Variants in FBXO43 observed in about 807,000 individuals in gnomAD.
FBXO43 encodes the protein F-box protein 43.
Under a neutral mutation model 56.7 loss-of-function variants are expected in FBXO43, and 22 were observed. That is an observed-to-expected ratio of 0.39 (90% CI 0.28 to 0.55). The LOEUF is 0.55. FBXO43 is among the 20% of genes least tolerant of loss of function. The pLI is 0.66. For missense variants in FBXO43, 733 were observed against 814.9 expected, an observed-to-expected ratio of 0.90 and a Z score of 1.22; for synonymous variants, 306 against 294.5, an observed-to-expected ratio of 1.04 and a Z score of -0.40.
upstream of FBXO43, among the ~76,000 whole-genome samples, chr8:100,147,541 G>A (rs1328380608): frequency 2.0e-5 from 3 of 152,228 alleles, no homozygotes; most frequent in African/African-American, 7.2e-5. Flanking sequence ...GAGAAGTGAA[G>A]AAGCTAAGTC....
In FBXO43 at chr8:100,142,259, T is replaced by C. The variant is rs960751400; in HGVS notation, c.86-91A>G. ...CATTATTTGTTATGAGTACAGATAA[T>C]AATGGAAAATTGTATGACAATTTTT... On this transcript the variant is annotated intron_variant, in intron 1 of 4. Transcript: ENST00000428847. The C allele has an allele frequency of 1.9e-5, 22 of 1,173,502 alleles. No homozygotes were observed. The African/African-American group carries it at 2.8e-4, about 15-fold the overall frequency. The allele number at this position is 1,173,502 out of a possible 1,614,324, so 72.7% of individuals were successfully genotyped here.
chr8:100,141,349 G>A lies in FBXO43; in HGVS notation c.905C>T (p.Pro302Leu), dbSNP rs772390926. The part of the protein sequence containing the change: ...CGTDEDIFVT[P>L]ISNLVANIRF... ...AATGTTTGCCACAAGATTACTTATCGGAGTCACAAATATGTCCTCATCTGT... is the reference window on the plus strand; with the variant it reads ...AATGTTTGCCACAAGATTACTTATCAGAGTCACAAATATGTCCTCATCTGT... The change falls in exon 2 of 5, where the codon CCG (proline) becomes CTG (leucine). Residue 302 changes from proline to leucine, a missense_variant. Pro to Leu is a moderately conservative substitution (Grantham distance 98). Transcript: ENST00000428847. 7.4e-6 allele frequency: 12 copies of A among 1,613,516 alleles called. No individual in the cohort carries two copies. Among genetic ancestry groups the A allele is most frequent in the East Asian group, 6.7e-5 (3 of 44,892 alleles).
chr8:100,140,611 C>A, intron 2 of FBXO43, 72 bp downstream of exon 2: 1 of 1,186,724 alleles, frequency 8.4e-7, no homozygotes. Context: ...AAAGGACAAC[C>A]ACTCAAGTCA....
chr8:100,142,718 C>G (rs1814698074), intron 1 of FBXO43, among the ~76,000 whole-genome samples: 1 of 152,180 alleles, frequency 6.6e-6, no homozygotes, highest in Non-Finnish European at 1.5e-5. Context: ...GAAACCTAGT[C>G]CCCATAACCA....
chr8:100,141,147 C>A lies in FBXO43; in HGVS notation c.1107G>T (p.Gly369=), dbSNP rs767638468. Reference sequence around the variant, plus strand: ...GATGTCTTGTCTTTCTTATGGTGTCCCCAACTTTGGGAGTCCCCTTATGTT... The same window carrying A: ...GATGTCTTGTCTTTCTTATGGTGTCACCAACTTTGGGAGTCCCCTTATGTT... ...LQKHKGTPKV[G]DTIRKTRHLG... The change falls in exon 2 of 5, where the codon GGG becomes GGT. Residue 369 remains glycine (G), a synonymous_variant. Transcript: ENST00000428847. The A allele has an allele frequency of 1.9e-6, 3 of 1,614,124 alleles. No homozygotes were observed. Among genetic ancestry groups the A allele is most frequent in the Non-Finnish European group, 1.7e-6 (2 of 1,180,032 alleles).
Position 100,134,334 on chromosome 8 carries a change from T to G in FBXO43, c.1705A>C (p.Thr569Pro). 1 of 1,613,758 alleles carries G rather than the reference T, an allele frequency of 6.2e-7. No individual in the cohort carries two copies. The highest frequency in any genetic ancestry group is 8.5e-7 in the Non-Finnish European group (1 of 1,180,016). Reference sequence around the variant, plus strand: ...GAGCGATTTAAAAGCTGGAGCCGAGTGGCAGCATCCTCGACATTTAATACA... The same window carrying G: ...GAGCGATTTAAAAGCTGGAGCCGAGGGGCAGCATCCTCGACATTTAATACA... ...GAVLNVEDAA[T>P]RLQLLNRSAL... The change falls in exon 4 of 5, where the codon ACT becomes CCT. Residue 569 changes from threonine (T) to proline (P), a missense_variant. Physicochemically the swap from Thr to Pro is conservative, Grantham distance 38. Coordinates refer to ENST00000428847, the MANE Select transcript of FBXO43 (RefSeq NM_001029860.4).
chr8:100,143,684 T>G (rs1370084314), intron 1 of FBXO43, among the ~76,000 whole-genome samples: 1 of 152,256 alleles, frequency 6.6e-6, no homozygotes, highest in Non-Finnish European at 1.5e-5. Context: ...TCTCCACCCA[T>G]GAACTGTTTT....
At chr8:100,150,019 T>G (rs1417104441), upstream of FBXO43, among the ~76,000 whole-genome samples, 1 of 152,026 alleles carries the variant, frequency 6.6e-6, no homozygotes, top group Non-Finnish European at 1.5e-5. Flanking sequence ...GGAGGGCGGG[T>G]GAGTAGACAG....
intron 2 of FBXO43, among the ~76,000 whole-genome samples, chr8:100,140,449 G>C (rs535088925): frequency 6.6e-6 from 1 of 152,086 alleles, no homozygotes; most frequent in Non-Finnish European, 1.5e-5. Context: ...CAGCCTGGGC[G>C]ACAGAGCGAG....
Position 100,141,810 on chromosome 8 carries a change from A to T in FBXO43, c.444T>A (p.Ser148Arg). The T allele has an allele frequency of 6.3e-7, 1 of 1,583,062 alleles. No individual in the cohort carries two copies. Among genetic ancestry groups the T allele is most frequent in the Non-Finnish European group, 8.6e-7 (1 of 1,168,428 alleles). ...TTCTGCGAGGTAAACATTTTTTCCC[A>T]CTGATTTTAGGTGTTTCACAAAGTT... Reference protein sequence around the residue: ...TPELCETPKISGKKCLPRRRL... With the variant: ...TPELCETPKIRGKKCLPRRRL... Residue 148 changes from serine (S) to arginine (R), a missense_variant, in exon 2 of 5, where the codon AGT (serine) becomes AGA (arginine). Transcript: ENST00000428847.
Position 100,145,813 on chromosome 8 carries a change from G to A in FBXO43, c.-678C>T, listed in dbSNP as rs936248133. On this transcript the variant is annotated 5_prime_UTR_variant, in exon 1 of 5. Transcript: ENST00000428847. ...TGGGGCCGCTGCCTTTACCTCCTTA[G>A]GTTTGAACGGCCCGCCCGGGGTAAC... 1.3e-5 allele frequency: 2 copies of A among 152,448 alleles called. No homozygotes were observed. The highest frequency in any genetic ancestry group is 4.8e-5 in the African/African-American group (2 of 41,460). 9.4% of individuals were successfully genotyped at this position (152,448 alleles called of 1,614,324 possible).
chr8:100,145,372 C>G lies in FBXO43; in HGVS notation c.-237G>C, dbSNP rs1814799078. On this transcript the variant is annotated 5_prime_UTR_variant, in exon 1 of 5. Transcript: ENST00000428847. The stretch of plus-strand genomic sequence containing the variant: ...TAGACATGAGTAAACTTCCCAAATT[C>G]GGGTTCCTGAAAAGGCAGCGTGTGC... 5 of 373,096 alleles carry G rather than the reference C, an allele frequency of 1.3e-5. No individual in the cohort carries two copies. In the East Asian group the frequency reaches 2.2e-4, roughly 16 times the overall value. The allele number at this position is 373,096 out of a possible 1,614,324, so 23.1% of individuals were successfully genotyped here. A position where few individuals can be genotyped will look rare whatever the true frequency, so the allele number is the denominator to read the frequency against.
Position 100,145,065 on chromosome 8 carries a change from G to A in FBXO43, c.71C>T (p.Ser24Leu), listed in dbSNP as rs1814786181. The change falls in exon 1 of 5, where the codon TCA becomes TTA. Residue 24 changes from serine to leucine, a missense_variant. Ser to Leu is a moderately radical substitution (Grantham distance 145). Coordinates refer to ENST00000428847, the MANE Select transcript of FBXO43 (RefSeq NM_001029860.4). ...GAAACTCTTACCATCAGTAAATCTT[G>A]AGCTCTTAGATGTCAAAGTTACGTA... ...EAYVTLTSKS[S>L]RFTDETEILK... is the part of the protein sequence containing the mutation. 6.2e-7 allele frequency: 1 copy of A among 1,611,244 alleles called. No homozygotes were observed. The highest frequency in any genetic ancestry group is 1.3e-5 in the African/African-American group (1 of 74,802).
At chr8:100,139,361 G>A (rs1373846405) in intron 2 of FBXO43, among the ~76,000 whole-genome samples, 2 of 152,172 alleles carry the variant, frequency 1.3e-5, no homozygotes, top group East Asian at 3.8e-4. Flanking sequence ...GGGAGGCCGA[G>A]GTGGGAGGAT....
intron 3 of FBXO43, chr8:100,136,964 T>C (rs575924868): frequency 2.6e-5 from 4 of 152,420 alleles, no homozygotes; most frequent in Admixed American, 2.0e-4. Context: ...TAAGGGTATC[T>C]CATTATAATT....
upstream of FBXO43, among the ~76,000 whole-genome samples, chr8:100,146,447 A>T (rs113319584): frequency 9.7e-3 from 1,477 of 152,344 alleles, 15 homozygotes; most frequent in African/African-American, 0.033. Context: ...AAAGATTTTT[A>T]AAAAATCTAT....
At chr8:100,143,101 C>T (rs1438150977) in intron 1 of FBXO43, among the ~76,000 whole-genome samples, 1 of 150,654 alleles carries the variant, frequency 6.6e-6, no homozygotes, top group African/African-American at 2.4e-5. Context: ...CATCACATTC[C>T]TTCTTTTTAG....
Position 100,141,715 on chromosome 8 carries a change from A to T in FBXO43, c.539T>A (p.Ile180Lys), listed in dbSNP as rs769786979. The T allele has an allele frequency of 6.2e-7, 1 of 1,606,766 alleles. No individual in the cohort carries two copies. Among genetic ancestry groups the T allele is most frequent in the Non-Finnish European group, 8.5e-7 (1 of 1,175,344 alleles). ...ESQNSSLESS[I>K]SQVINLEKNI... ...TTTTTCTAAGTTGATAACTTGGCTTATACTACTTTCTAAAGAACTATTTTG... is the reference window on the plus strand; with the variant it reads ...TTTTTCTAAGTTGATAACTTGGCTTTTACTACTTTCTAAAGAACTATTTTG... The change falls in exon 2 of 5, where the codon ATA (isoleucine) becomes AAA (lysine). Residue 180 changes from isoleucine to lysine, a missense_variant. Ile to Lys is a moderately radical substitution (Grantham distance 102). Transcript: ENST00000428847.
At chr8:100,144,033 A>G (rs1347114567) in intron 1 of FBXO43, among the ~76,000 whole-genome samples, 4 of 152,172 alleles carry the variant, frequency 2.6e-5, no homozygotes, top group African/African-American at 4.8e-5. Flanking sequence ...TTGGCCTCCC[A>G]AAGTGCTGGG....
Sources: gnomAD v4.1 joint callset for allele counts (sites outside exome capture counted in the v4.1 genomes callset) on GRCh38, gnomAD v4.1.1 for gene constraint, MANE v1.5 for transcripts, NCBI Gene and HGNC (gene_info 2026-07-23, HGNC 2026-07-21) for gene names.